Variants in STARD13 observed in about 807,000 individuals in gnomAD.
STARD13 encodes the protein stAR-related lipid transfer protein 13.
In STARD13, 62 loss-of-function variants were observed where a neutral mutation model predicts 106.4. That is an observed-to-expected ratio of 0.58 (90% CI 0.48 to 0.72). The LOEUF (loss-of-function observed/expected upper bound fraction) is 0.72, where lower values mean the gene tolerates loss of function less well. STARD13 is among the 30% of genes least tolerant of loss of function. The probability of loss-of-function intolerance (pLI) is 0.00; values close to 1 mark genes in which losing one functional copy is unlikely to be tolerated. For missense variants in STARD13, 1,387 were observed against 1,424.0 expected, an observed-to-expected ratio of 0.97 and a Z score of 0.42; for synonymous variants, 565 against 553.0, an observed-to-expected ratio of 1.02 and a Z score of -0.31.
At chr13:33,367,741 T>C in the STARD13 span, among the ~76,000 whole-genome samples, 1 of 151,814 alleles carries the variant, frequency 6.6e-6, no homozygotes, top group African/African-American at 2.4e-5. Flanking sequence ...TATTATATAA[T>C]GTAAATCAAT....
the STARD13 span, among the ~76,000 whole-genome samples, chr13:33,425,111 C>T: frequency 6.6e-6 from 1 of 152,198 alleles, no homozygotes; most frequent in Non-Finnish European, 1.5e-5. Flanking sequence ...ACTGTAGCCT[C>T]ACTTTATGCA....
the STARD13 span, among the ~76,000 whole-genome samples, chr13:33,485,684 C>A: frequency 1.6e-4 from 25 of 152,196 alleles, no homozygotes; most frequent in Admixed American, 3.9e-4. Flanking sequence ...ATATGCTATA[C>A]CTTTGCATTT....
intron 3 of STARD13, among the ~76,000 whole-genome samples, chr13:33,161,623 A>G (rs1408626472): frequency 2.0e-5 from 3 of 152,186 alleles, no homozygotes; most frequent in Admixed American, 6.5e-5. Flanking sequence ...TCTGCTCTAT[A>G]TGTTGAGTGT....
At chr13:33,367,986 T>C in the STARD13 span, among the ~76,000 whole-genome samples, 1 of 152,184 alleles carries the variant, frequency 6.6e-6, no homozygotes, top group Non-Finnish European at 1.5e-5. Context: ...GCCCAGTAAC[T>C]ATAAGAACTC....
chr13:33,364,942 A>G, the STARD13 span, among the ~76,000 whole-genome samples: 1 of 152,192 alleles, frequency 6.6e-6, no homozygotes, highest in Non-Finnish European at 1.5e-5. Context: ...AAAGAAAGGT[A>G]GCTGTTACAT....
At chr13:33,412,321 G>C in the STARD13 span, among the ~76,000 whole-genome samples, 9 of 152,040 alleles carry the variant, frequency 5.9e-5, no homozygotes, top group African/African-American at 2.2e-4. Context: ...CACTAAAATA[G>C]CTATGCAACG....
intron 1 of STARD13, among the ~76,000 whole-genome samples, chr13:33,209,315 C>G (rs941513579): frequency 1.3e-5 from 2 of 152,168 alleles, no homozygotes; most frequent in Non-Finnish European, 2.9e-5. Flanking sequence ...ATCAAAAGCC[C>G]AGAACCTGTG....
the STARD13 span, among the ~76,000 whole-genome samples, chr13:33,477,145 A>G: frequency 6.6e-6 from 1 of 152,250 alleles, no homozygotes; most frequent in South Asian, 2.1e-4. Context: ...AAATGAGTTT[A>G]ACAAAATGCT....
At chr13:33,217,001 G>A (rs1381688038) in intron 1 of STARD13, among the ~76,000 whole-genome samples, 1 of 152,164 alleles carries the variant, frequency 6.6e-6, no homozygotes, top group Non-Finnish European at 1.5e-5. Flanking sequence ...AGGGTGCTAA[G>A]TAAAAATGCT....
the STARD13 span, among the ~76,000 whole-genome samples, chr13:33,499,568 T>C: frequency 7.6e-5 from 5 of 66,214 alleles, no homozygotes; most frequent in South Asian, 1.2e-3. Flanking sequence ...CTTCTTCTTC[T>C]TCTTCTTCTT....
the STARD13 span, among the ~76,000 whole-genome samples, chr13:33,665,913 G>C: frequency 6.6e-6 from 1 of 152,190 alleles, no homozygotes; most frequent in African/African-American, 2.4e-5. Flanking sequence ...ATGTCACTCA[G>C]CTGGCTCAGT....
intron 1 of STARD13, among the ~76,000 whole-genome samples, chr13:33,224,351 T>G (rs1476512334): frequency 6.6e-6 from 1 of 151,970 alleles, no homozygotes; most frequent in Non-Finnish European, 1.5e-5. Context: ...AAGTCTGTAT[T>G]AGTCAGGATA....
intron 1 of STARD13, chr13:33,349,339 G>A (rs1023850779): frequency 1.2e-5 from 8 of 684,006 alleles, no homozygotes; most frequent in Non-Finnish European, 1.9e-5. Context: ...TTGGTGAATG[G>A]GGTCCTAAAC....
At chr13:33,349,997 GC>G (rs2078057396) in intron 1 of STARD13, among the ~76,000 whole-genome samples, 2 of 103,724 alleles carry the variant, frequency 1.9e-5, no homozygotes, top group African/African-American at 5.3e-5. Flanking sequence ...CTAAAAGGCC[GC>G]CCGGGGGCAG....
At chr13:33,516,800 G>T in the STARD13 span, among the ~76,000 whole-genome samples, 3 of 151,906 alleles carry the variant, frequency 2.0e-5, no homozygotes, top group African/African-American at 7.3e-5. Context: ...ATCAGGCCAG[G>T]CATGGTGCCT....
chr13:33,607,631 G>A, the STARD13 span, among the ~76,000 whole-genome samples: 2 of 152,014 alleles, frequency 1.3e-5, no homozygotes, highest in Non-Finnish European at 2.9e-5. Flanking sequence ...ATTGGAGGCA[G>A]GAGAGGTTAA....
At chr13:33,311,866 G>A (rs1290282954) in intron 1 of STARD13, among the ~76,000 whole-genome samples, 1 of 152,212 alleles carries the variant, frequency 6.6e-6, no homozygotes, top group Non-Finnish European at 1.5e-5. Flanking sequence ...TGGTAGGCAA[G>A]AGATGCTTTT....
chr13:33,439,652 T>C, the STARD13 span: 3 of 1,172,256 alleles, frequency 2.6e-6, no homozygotes, highest in East Asian at 5.7e-5. Flanking sequence ...AAACAACTTT[T>C]ATACATAAAC....
At chr13:33,327,072 T>C (rs1281371414) in intron 1 of STARD13, among the ~76,000 whole-genome samples, 1 of 152,250 alleles carries the variant, frequency 6.6e-6, no homozygotes, top group African/African-American at 2.4e-5. Flanking sequence ...CAAAAAGCTG[T>C]ATTTTAATTT....
Sources: allele counts gnomAD v4.1 joint callset (sites outside exome capture counted in the v4.1 genomes callset), GRCh38; gene constraint gnomAD v4.1.1; transcripts MANE v1.5; gene names NCBI Gene and HGNC (gene_info 2026-07-23, HGNC 2026-07-21).